The following FMNL3 variants were observed in gnomAD, a reference collection of about 807,000 sequenced individuals.
FMNL3 encodes the protein formin like 3, also known as formin-like protein 3.
In FMNL3, 57 loss-of-function variants were observed where a neutral mutation model predicts 119.6. That is an observed-to-expected ratio of 0.48 (90% confidence interval 0.39 to 0.59). The LOEUF is 0.59. Ranked by LOEUF, FMNL3 falls within the 20% of genes least tolerant of loss-of-function variation. FMNL3 has a pLI of 0.00. For missense variants in FMNL3, 1,053 were observed against 1,323.5 expected (o/e 0.80, Z 3.17); for synonymous variants, 491 against 507.3 (o/e 0.97, Z 0.43).
Position 49,649,239 on chromosome 12 carries a change from C to T in FMNL3, c.2385+20G>A, listed in dbSNP as rs78481893. 9,967 of 1,614,034 alleles carry T rather than the reference C, an allele frequency of 6.2e-3. 32 individuals carry two copies. The highest frequency in any genetic ancestry group is 7.2e-3 in the Non-Finnish European group (8,447 of 1,179,952). On this transcript the variant is annotated intron_variant, in intron 20 of 25. Transcript: ENST00000335154. This position sits in a 1 kb window ranked among gnomAD's most constrained non-coding sequence, Gnocchi z 5.6. ...GCTGCCCCCCAGGCTTCCTGGCCCACGCTGCCCTCACCATCTTACCAGATC... is the reference window on the plus strand; with the variant it reads ...GCTGCCCCCCAGGCTTCCTGGCCCATGCTGCCCTCACCATCTTACCAGATC...
intron 2 of FMNL3, among the ~76,000 whole-genome samples, chr12:49,667,089 C>T (rs896537939): frequency 3.3e-5 from 5 of 152,174 alleles, no homozygotes; most frequent in South Asian, 4.2e-4. Flanking sequence ...CCTGGGACCA[C>T]GTCCTACTTT....
At position 49,649,679 on chromosome 12, in the gene FMNL3, T is replaced by G. The variant is rs767533267; in HGVS notation, c.2235+12A>C. ...CAGCTGTCCAGAGCCATGAGTTGGG[T>G]GGGGGCTGTACCGGTGTGAGCATCT... On this transcript the variant is annotated intron_variant, in intron 18 of 25. Transcript: ENST00000335154. This position sits in a 1 kb window ranked among gnomAD's most constrained non-coding sequence, Gnocchi z 5.6. The G allele has an allele frequency of 6.2e-7, 1 of 1,613,578 alleles. No individual in the cohort carries two copies. The highest frequency in any genetic ancestry group is 2.2e-5 in the East Asian group (1 of 44,848).
At position 49,642,851 on chromosome 12, in the gene FMNL3, A is replaced by G; in HGVS notation, c.*2964T>C. On this transcript the variant is annotated 3_prime_UTR_variant, in exon 26 of 26. Transcript: ENST00000335154. The surrounding 1 kb of genome is among the most constrained non-coding windows in gnomAD (Gnocchi z 5.8). Reference sequence around the variant, plus strand: ...GCTCTAGTCTGAGAAAGGGAGGCAAAGCCAGATTTTAGGAAGTAGGATCCT... The same window carrying G: ...GCTCTAGTCTGAGAAAGGGAGGCAAGGCCAGATTTTAGGAAGTAGGATCCT... The G allele has an allele frequency of 2.0e-6, 3 of 1,510,786 alleles. No individual in the cohort carries two copies. Among genetic ancestry groups the G allele is most frequent in the African/African-American group, 2.8e-5 (2 of 72,322 alleles). The allele number at this position is 1,510,786 out of a possible 1,614,324, so 93.6% of individuals were successfully genotyped here.
chr12:49,636,870 A>G lies in FMNL3; in HGVS notation c.*8945T>C. The G allele has an allele frequency of 1.2e-6, 2 of 1,612,974 alleles. No homozygotes were observed. The highest frequency in any genetic ancestry group is 1.1e-5 in the South Asian group (1 of 91,028). ...TCCAGGTATCTTTGCTGTCCTTTCTAGATCAGAGCTCAGCTCTGCCCTAGA... is the reference window on the plus strand; with the variant it reads ...TCCAGGTATCTTTGCTGTCCTTTCTGGATCAGAGCTCAGCTCTGCCCTAGA... On this transcript the variant is annotated 3_prime_UTR_variant, in exon 26 of 26. Transcript: ENST00000335154.
rs1316811483 is a variant in FMNL3 at position 49,642,554 on chromosome 12, G to C, written c.*3261C>G. The stretch of plus-strand genomic sequence containing the variant: ...GGCCAGGCTGAGTGGGGCCTAGTCT[G>C]ATCAGCAGTGCTCTCCTCGTTCAAG... On this transcript the variant is annotated 3_prime_UTR_variant, in exon 26 of 26. Transcript: ENST00000335154. The surrounding 1 kb of genome is among the most constrained non-coding windows in gnomAD (Gnocchi z 5.8). 6.2e-7 allele frequency: 1 copy of C among 1,613,028 alleles called. No homozygotes were observed. Among genetic ancestry groups the C allele is most frequent in the Non-Finnish European group, 8.5e-7 (1 of 1,179,096 alleles).
rs1374104094 is a variant in FMNL3 at position 49,707,108 on chromosome 12, T to G, written c.73A>C (p.Lys25Gln). ...TCACAGGGCTCAGGCATCGGCATCT[T>G]GCCGGGCGGCAGCAACAACGGGACA... ...PSVPLLLPPG[K>Q]MPMPEPCELE... The change falls in exon 1 of 26, where the codon AAG becomes CAG. Residue 25 changes from lysine (K) to glutamine (Q), a missense_variant. Lys to Gln is a moderately conservative substitution (Grantham distance 53). Transcript: ENST00000335154. The G allele has an allele frequency of 6.2e-7, 1 of 1,603,540 alleles. No homozygotes were observed. Among genetic ancestry groups the G allele is most frequent in the Non-Finnish European group, 8.5e-7 (1 of 1,176,100 alleles).
intron 1 of FMNL3, among the ~76,000 whole-genome samples, chr12:49,703,439 G>T (rs1431009656): frequency 6.6e-6 from 1 of 152,150 alleles, no homozygotes; most frequent in Admixed American, 6.5e-5. Context: ...AACAGAATGG[G>T]AAGTGCTACT....
rs1422291542 is a variant in FMNL3, at chr12:49,638,911, A to C, written c.*6904T>G. On this transcript the variant is annotated 3_prime_UTR_variant, in exon 26 of 26. Coordinates refer to ENST00000335154, the MANE Select transcript of FMNL3 (RefSeq NM_175736.5). The stretch of plus-strand genomic sequence containing the variant: ...GTCTCACTGCATATACATTTCTTTG[A>C]AGTACTGTTTTGCCTTACAAATTCA... 1 of 152,260 alleles carries C rather than the reference A, an allele frequency of 6.6e-6. No individual in the cohort carries two copies. The highest frequency in any genetic ancestry group is 1.5e-5 in the Non-Finnish European group (1 of 68,044). 9.4% of individuals were successfully genotyped at this position (152,260 alleles called of 1,614,324 possible).
chr12:49,658,363 T>G, intron 6 of FMNL3, 79 bp downstream of exon 6: 7 of 1,483,190 alleles, frequency 4.7e-6, no homozygotes, highest in East Asian at 2.4e-5. Context: ...GGGAGGAGCA[T>G]GAGCACTCAC....
intron 1 of FMNL3, chr12:49,688,649 C>A (rs565109441): frequency 9.1e-5 from 36 of 396,074 alleles, no homozygotes; most frequent in African/African-American, 6.7e-4. Flanking sequence ...ACCAAAGAAA[C>A]TGCTAAGAAG....
Position 49,665,903 on chromosome 12 carries a change from G to A in FMNL3, c.297C>T (p.Phe99=), listed in dbSNP as rs374701800. ...TGGTTGACTCCTGCACCCTCCTCCTGAACTTCTGTAAAAAGGGTAGGAAAG... is the reference window on the plus strand; with the variant it reads ...TGGTTGACTCCTGCACCCTCCTCCTAAACTTCTGTAAAAAGGGTAGGAAAG... ...FLDPSVTRKK[F]RRRVQESTKV... Residue 99 remains phenylalanine, a synonymous_variant, in exon 4 of 26, where the codon TTC becomes TTT. Transcript: ENST00000335154. 25 of 1,614,000 alleles carry A rather than the reference G, an allele frequency of 1.5e-5. No homozygotes were observed. Among genetic ancestry groups the A allele is most frequent in the East Asian group, 6.7e-5 (3 of 44,894 alleles).
chr12:49,662,539 G>T (rs1180789225), intron 4 of FMNL3, among the ~76,000 whole-genome samples: 2 of 152,190 alleles, frequency 1.3e-5, no homozygotes, highest in African/African-American at 4.8e-5. Flanking sequence ...GGCATCCTGG[G>T]GCAAAGCACT....
intron 12 of FMNL3, among the ~76,000 whole-genome samples, 160 bp from the exon 13 acceptor site, chr12:49,653,487 A>G (rs1160742538): frequency 1.3e-5 from 2 of 152,102 alleles, no homozygotes; most frequent in African/African-American, 4.8e-5. Context: ...ATACAAGACA[A>G]AGGCCACATT....
chr12:49,653,330 G>A lies in FMNL3; in HGVS notation c.1222-3C>T, dbSNP rs774680989. 2 of 1,613,728 alleles carry A rather than the reference G, an allele frequency of 1.2e-6. No individual in the cohort carries two copies. The highest frequency in any genetic ancestry group is 1.7e-5 in the Admixed American group (1 of 60,018). On this transcript the variant is annotated splice_polypyrimidine_tract_variant and splice_region_variant and intron_variant, in intron 12 of 25. Coordinates refer to ENST00000335154, the MANE Select transcript of FMNL3 (RefSeq NM_175736.5). The stretch of plus-strand genomic sequence containing the variant: ...AGGTCCAGAAGCTTCTCTGTGAGCT[G>A]CACAACAGGAAGGGCAGGTTCTGTG...
intron 1 of FMNL3, among the ~76,000 whole-genome samples, chr12:49,679,561 C>T (rs1437127282): frequency 7.2e-6 from 1 of 138,280 alleles, no homozygotes; most frequent in Non-Finnish European, 1.5e-5. Context: ...GGGTCTCACT[C>T]CATCACACAG....
chr12:49,662,402 G>A (rs1423454003), intron 4 of FMNL3, among the ~76,000 whole-genome samples: 1 of 152,156 alleles, frequency 6.6e-6, no homozygotes, highest in Non-Finnish European at 1.5e-5. Context: ...AATTTAGGAA[G>A]CATCAAGAGC....
At chr12:49,656,124 G>A (rs1399384723) in intron 9 of FMNL3, among the ~76,000 whole-genome samples, 1 of 152,092 alleles carries the variant, frequency 6.6e-6, no homozygotes, top group East Asian at 1.9e-4. Context: ...AAGCTCCTTA[G>A]GTGATTTGGA....
At chr12:49,664,120 C>T (rs1017870576) in intron 4 of FMNL3, among the ~76,000 whole-genome samples, 9 of 152,196 alleles carry the variant, frequency 5.9e-5, no homozygotes, top group African/African-American at 1.4e-4. Flanking sequence ...TGGTGGTACA[C>T]GCCTGTAGTC....
At chr12:49,653,604 C>T in intron 12 of FMNL3, 121 bp downstream of exon 12, 1 of 1,403,712 alleles carries the variant, frequency 7.1e-7, no homozygotes, top group Non-Finnish European at 9.8e-7. Context: ...CTCTTGAGAG[C>T]CCTGGTGGGT....
Sources: gnomAD v4.1 joint callset for allele counts (sites outside exome capture counted in the v4.1 genomes callset) on GRCh38, gnomAD v4.1.1 for gene constraint, Gnocchi (gnomAD v3.1) non-coding constraint, MANE v1.5 for transcripts, NCBI Gene and HGNC (gene_info 2026-07-23, HGNC 2026-07-21) for gene names.